TMEM9B: variants seen among roughly 807,000 people sequenced by gnomAD.
TMEM9B encodes TMEM9 domain family member B.
In TMEM9B, 8 loss-of-function variants were observed where a neutral mutation model predicts 23.5. The observed-to-expected ratio is 0.34, with a 90% confidence interval of 0.20 to 0.61. The LOEUF (loss-of-function observed/expected upper bound fraction) is 0.61. Ranked by LOEUF, TMEM9B falls within the 20% of genes least tolerant of loss-of-function variation. TMEM9B has a pLI of 0.78. For missense variants in TMEM9B, 197 were observed against 252.3 expected (o/e 0.78, Z 1.49); for synonymous variants, 106 against 96.3 (o/e 1.10, Z -0.59).
intron 3 of TMEM9B, among the ~76,000 whole-genome samples, chr11:8,955,144 C>T (rs1420571023): frequency 9.4e-6 from 1 of 106,586 alleles, no homozygotes; most frequent in African/African-American, 3.1e-5. Context: ...GAGCAAGACT[C>T]CATCTCAAAA....
chr11:8,958,009 A>C (rs1427552847), intron 2 of TMEM9B, among the ~76,000 whole-genome samples: 2 of 151,842 alleles, frequency 1.3e-5, no homozygotes, highest in Non-Finnish European at 2.9e-5. Context: ...ATACAAAAAA[A>C]TTAGCCAGGC....
At chr11:8,962,536 T>A (rs1284525491) in intron 1 of TMEM9B, among the ~76,000 whole-genome samples, 1 of 152,200 alleles carries the variant, frequency 6.6e-6, no homozygotes, top group Non-Finnish European at 1.5e-5. Flanking sequence ...TAAATAAGAA[T>A]ATTCATTACT....
Position 8,964,242 on chromosome 11 carries a change from C to T in TMEM9B, c.72G>A (p.Val24=). The T allele has an allele frequency of 2.5e-6, 4 of 1,594,590 alleles. No homozygotes were observed. Among genetic ancestry groups the T allele is most frequent in the Non-Finnish European group, 3.4e-6 (4 of 1,171,476 alleles). ...LLSLSCLALS[V]LLLAQLSDAA... ...CGTCTGACAGCTGCGCCAGCAGCAG[C>T]ACGGAAAGCGCCAGGCACGACAGGC... The change falls in exon 1 of 5, where the codon GTG becomes GTA. Residue 24 remains valine, a synonymous_variant. Transcript: ENST00000534025.
intron 4 of TMEM9B, chr11:8,953,001 G>A (rs112741215): frequency 1.4e-5 from 9 of 663,568 alleles, no homozygotes; most frequent in Admixed American, 4.7e-5. Context: ...AAAGATCATC[G>A]TTTAAATCAT....
At chr11:8,964,497 G>A, upstream of TMEM9B, 1 of 1,413,452 alleles carries the variant, frequency 7.1e-7, no homozygotes. Context: ...CATCCGCCCC[G>A]GAACCGGTTA....
intron 4 of TMEM9B, 50 bp from the exon 5 acceptor site, chr11:8,948,525 A>C: frequency 6.3e-7 from 1 of 1,583,732 alleles, no homozygotes; most frequent in Non-Finnish European, 8.6e-7. Flanking sequence ...TCAGTGTAAA[A>C]CATAGACACA....
At chr11:8,962,055 C>T (rs772473938) in intron 2 of TMEM9B, 37 bp downstream of exon 2, 5 of 1,328,980 alleles carry the variant, frequency 3.8e-6, no homozygotes, top group Non-Finnish European at 5.2e-6. Flanking sequence ...ACCACAGAAA[C>T]AAATGTGACA....
At position 8,964,066 on chromosome 11, in the gene TMEM9B, T is replaced by C. The variant is rs999796434; in HGVS notation, c.105+143A>G. On this transcript the variant is annotated intron_variant, in intron 1 of 4. Coordinates refer to ENST00000534025, the MANE Select transcript of TMEM9B (RefSeq NM_020644.3). ...GGGCAGTCGGGAGGGGCGGGGCTGG[T>C]GGCGGCGGGGGTCTGCCGGAGCTGT... The C allele has an allele frequency of 3.1e-5, 25 of 794,614 alleles. No individual in the cohort carries two copies. The African/African-American group carries it at 4.3e-4, about 14-fold the overall frequency. The allele number at this position is 794,614 out of a possible 1,614,324, so 49.2% of individuals were successfully genotyped here.
chr11:8,953,766 A>G (rs1327428251), intron 3 of TMEM9B, among the ~76,000 whole-genome samples: 1 of 152,244 alleles, frequency 6.6e-6, no homozygotes, highest in Non-Finnish European at 1.5e-5. Context: ...GGACTACAAT[A>G]AAATAAATAG....
intron 2 of TMEM9B, among the ~76,000 whole-genome samples, chr11:8,960,328 G>C (rs1854053498): frequency 6.6e-6 from 1 of 151,926 alleles, no homozygotes; most frequent in Non-Finnish European, 1.5e-5. Context: ...TTTTAGTAGA[G>C]TCGGGGTTTC....
chr11:8,961,760 A>G (rs1854087786), intron 2 of TMEM9B, among the ~76,000 whole-genome samples: 1 of 152,224 alleles, frequency 6.6e-6, no homozygotes, highest in African/African-American at 2.4e-5. Flanking sequence ...CTAACCTTCC[A>G]CTGAAAAGCA....
At chr11:8,964,059 G>A in intron 1 of TMEM9B, 150 bp downstream of exon 1, 1 of 756,876 alleles carries the variant, frequency 1.3e-6, no homozygotes, top group East Asian at 3.0e-5. Flanking sequence ...GGGAGGGGCG[G>A]GGCTGGTGGC....
rs1220385289 is a variant in TMEM9B at position 8,953,282 on chromosome 11, T to C, written c.362A>G (p.Tyr121Cys). 5 of 1,614,070 alleles carry C rather than the reference T, an allele frequency of 3.1e-6. No homozygotes were observed. Among genetic ancestry groups the C allele is most frequent in the Admixed American group, 1.7e-5 (1 of 60,014 alleles). The change falls in exon 4 of 5, where the codon TAT becomes TGT. Residue 121 changes from tyrosine (Y) to cysteine (C), a missense_variant. Tyr to Cys is a radical substitution (Grantham distance 194). This residue lies in a region of TMEM9B where 141 missense variants were observed against 214.1 expected (regional missense o/e 0.66). Transcript: ENST00000534025. Reference sequence around the variant, plus strand: ...CAGTATGGGCTCAACCAGAGTAAGATATACCATGTACAGAAGTAGAAGGCC... The same window carrying C: ...CAGTATGGGCTCAACCAGAGTAAGACATACCATGTACAGAAGTAGAAGGCC... ...ILGLLLLYMV[Y>C]LTLVEPILKR... is the part of the protein sequence containing the mutation.
chr11:8,963,809 GC>G (rs1854125091), intron 1 of TMEM9B, among the ~76,000 whole-genome samples: 2 of 152,136 alleles, frequency 1.3e-5, no homozygotes, highest in African/African-American at 2.4e-5. Context: ...GGCATGCGGG[GC>G]CTGTGAGGCT....
upstream of TMEM9B, chr11:8,964,559 G>A: frequency 2.6e-6 from 3 of 1,152,064 alleles, no homozygotes; most frequent in East Asian, 3.2e-5. Flanking sequence ...CCTTGGCCTA[G>A]CCCCGGCCCC....
chr11:8,952,249 T>TACACACACAC (rs142506777), intron 4 of TMEM9B, among the ~76,000 whole-genome samples: 4,688 of 122,616 alleles, frequency 0.038, 106 homozygotes, highest in African/African-American at 0.055. Context: ...GCCAACTATA[T>TACACACACAC]ACACACACAC....
chr11:8,964,611 A>C (rs1050658573), upstream of TMEM9B: 43 of 541,514 alleles, frequency 7.9e-5, no homozygotes, highest in Admixed American at 1.3e-4. Context: ...TGGGCCCAGT[A>C]GAGCTTTGCA....
rs772341285 is a variant in TMEM9B at position 8,953,163 on chromosome 11, G to A, written c.441+40C>T. On this transcript the variant is annotated intron_variant, in intron 4 of 4. Transcript: ENST00000534025. The stretch of plus-strand genomic sequence containing the variant: ...TTGCACTTCACATCGAATGATGACA[G>A]GGACTGGCCATGAGCAGCTAGGGCA... The A allele has an allele frequency of 8.1e-6, 13 of 1,613,698 alleles. No individual in the cohort carries two copies. In the Admixed American group the frequency reaches 2.2e-4, roughly 27 times the overall value.
chr11:8,956,599 C>T (rs770295563), intron 2 of TMEM9B, among the ~76,000 whole-genome samples: 31 of 152,096 alleles, frequency 2.0e-4, no homozygotes, highest in Admixed American at 1.0e-3. Context: ...AACTACTTAA[C>T]AAATCAAGTC....
Sources: gnomAD v4.1 joint callset for allele counts (sites outside exome capture counted in the v4.1 genomes callset) on GRCh38, gnomAD v4.1.1 for gene constraint, gnomAD v4.1.1 regional missense constraint, MANE v1.5 for transcripts, NCBI Gene and HGNC (gene_info 2026-07-23, HGNC 2026-07-21) for gene names.